Variants in CPLANE1 observed in about 807,000 individuals in gnomAD.
CPLANE1 encodes ciliogenesis and planar polarity effector 1.
In CPLANE1, 263 loss-of-function variants were observed where a neutral mutation model predicts 362.5. The observed-to-expected ratio is 0.73, with a 90% CI of 0.66 to 0.80. The LOEUF is 0.80. Ranked by LOEUF, CPLANE1 falls within the 30% of genes least tolerant of loss-of-function variation. The pLI is 0.00. For synonymous variants in CPLANE1, 1,212 were observed against 1,302.6 expected, an observed-to-expected ratio of 0.93 and a Z score of 1.50; for missense variants, 3,461 against 3,793.4, an observed-to-expected ratio of 0.91 and a Z score of 2.30.
rs149614155 is a variant in CPLANE1 at position 37,163,929 on chromosome 5, ATTC to A, written c.7588+341_7588+343del. ...CCTATGTACTGAAAAGTCAATAAAAATTCTGAAGCAAACAGGTTAAGGGAGATT... is the reference window on the plus strand; with the variant it reads ...CCTATGTACTGAAAAGTCAATAAAAATGAAGCAAACAGGTTAAGGGAGATT... On this transcript the variant is annotated intron_variant, in intron 37 of 52. Coordinates refer to ENST00000651892, the MANE Select transcript of CPLANE1 (RefSeq NM_001384732.1). Among the ~76,000 whole-genome samples the A allele has an allele frequency of 8.7e-4, 132 of 152,336 alleles. 1 individual carries two copies. Among genetic ancestry groups the A allele is most frequent in the Non-Finnish European group, 1.5e-3 (105 of 68,032 alleles).
intron 51 of CPLANE1, among the ~76,000 whole-genome samples, chr5:37,113,048 A>G (rs1423073063): frequency 6.6e-6 from 1 of 152,204 alleles, no homozygotes; most frequent in Non-Finnish European, 1.5e-5. Context: ...AAAGAATAAA[A>G]AGCTATTGAG....
At chr5:37,210,473 A>C (rs1792277819) in intron 16 of CPLANE1, 2 of 1,124,994 alleles carry the variant, frequency 1.8e-6, no homozygotes, top group Non-Finnish European at 2.7e-6. Context: ...GACTGATTGA[A>C]GATGAAAGGA....
intron 21 of CPLANE1, among the ~76,000 whole-genome samples, 190 bp downstream of exon 21, chr5:37,195,668 A>G (rs1787180726): frequency 1.4e-5 from 2 of 145,548 alleles, no homozygotes; most frequent in Admixed American, 1.4e-4. Flanking sequence ...ATTTGTTTAT[A>G]TAAGAAATTT....
chr5:37,104,034 C>A (rs117081887), downstream of CPLANE1, among the ~76,000 whole-genome samples: 1 of 152,044 alleles, frequency 6.6e-6, no homozygotes, highest in Non-Finnish European at 1.5e-5. Context: ...TACATAATCC[C>A]GTATTTCTTG....
At chr5:37,123,297 T>A (rs1238255399) in intron 47 of CPLANE1, among the ~76,000 whole-genome samples, 2 of 152,176 alleles carry the variant, frequency 1.3e-5, no homozygotes, top group African/African-American at 4.8e-5. Context: ...CACACACAAT[T>A]ATGTATATAA....
In CPLANE1 at chr5:37,209,554, T is replaced by G; in HGVS notation, c.2921-3129A>C. ...GAACTGCAACCTCAGTCCATTTCAG[T>G]GCAAGGGAGCTCCCTCTTAATAAGT... On this transcript the variant is annotated intron_variant, in intron 16 of 52. Transcript: ENST00000651892. This position sits in a 1 kb window ranked among gnomAD's most constrained non-coding sequence, Gnocchi z 4.6. The G allele has an allele frequency of 1.5e-6, 2 of 1,312,918 alleles. No homozygotes were observed. The highest frequency in any genetic ancestry group is 1.7e-5 in the Admixed American group (1 of 59,410). The allele number at this position is 1,312,918 out of a possible 1,614,324, so 81.3% of individuals were successfully genotyped here.
At chr5:37,118,349 G>C (rs1207842186) in intron 50 of CPLANE1, among the ~76,000 whole-genome samples, 2 of 149,450 alleles carry the variant, frequency 1.3e-5, no homozygotes, top group Non-Finnish European at 3.0e-5. Flanking sequence ...AAAGGTTGCA[G>C]TGAGCCAAGA....
intron 46 of CPLANE1, among the ~76,000 whole-genome samples, chr5:37,138,224 T>C (rs1215978260): frequency 6.6e-6 from 1 of 152,222 alleles, no homozygotes; most frequent in Non-Finnish European, 1.5e-5. Context: ...GGTGCTCCAA[T>C]GTTGTATGCT....
At chr5:37,186,788 G>A (rs1024430827) in intron 23 of CPLANE1, among the ~76,000 whole-genome samples, 5 of 152,060 alleles carry the variant, frequency 3.3e-5, no homozygotes, top group Admixed American at 2.6e-4. Context: ...AGCCCGGCGC[G>A]GTGGCTCACG....
chr5:37,085,119 A>G, the CPLANE1 span: 1 of 748,998 alleles, frequency 1.3e-6, no homozygotes, highest in South Asian at 1.4e-5. Flanking sequence ...GATGCTGGAT[A>G]AATTGACCAG....
Position 37,227,380 on chromosome 5 carries a change from C to G in CPLANE1, c.1384G>C (p.Gly462Arg), listed in dbSNP as rs1796678442. Residue 462 changes from glycine to arginine, a missense_variant, in exon 11 of 53, where the codon GGA becomes CGA. Physicochemically the swap from Gly to Arg is moderately radical, Grantham distance 125 (BLOSUM62 -2). Around this residue, in one of 2 missense-constraint regions of CPLANE1, gnomAD observed 3,380 missense variants for 3,666.1 expected, o/e 0.92. Transcript: ENST00000651892. ...GAATTCAGTGATCGCAAGTTCAGTC[C>G]TTTGCCTTTTGGCTAAAGAAGAAAA... ...SVILSKPKGK[G>R]LNLRSLNSLR... is the part of the protein sequence containing the mutation. 2 of 1,532,498 alleles carry G rather than the reference C, an allele frequency of 1.3e-6. No homozygotes were observed. Among genetic ancestry groups the G allele is most frequent in the Middle Eastern group, 1.7e-4 (1 of 5,920 alleles). The allele number at this position is 1,532,498 out of a possible 1,614,324, so 94.9% of individuals were successfully genotyped here.
chr5:37,210,863 C>G (rs183280051), intron 16 of CPLANE1: 5 of 814,270 alleles, frequency 6.1e-6, no homozygotes, highest in Non-Finnish European at 1.1e-5. Context: ...ATGAGGAGTT[C>G]GAAAGCCGCA....
rs751221163 is a variant in CPLANE1 at position 37,184,770 on chromosome 5, A to G, written c.4481+18T>C. The G allele has an allele frequency of 1.2e-5, 19 of 1,588,568 alleles. No homozygotes were observed. The highest frequency in any genetic ancestry group is 1.7e-4 in the Middle Eastern group (1 of 5,868). On this transcript the variant is annotated intron_variant, in intron 25 of 52. Coordinates refer to ENST00000651892, the MANE Select transcript of CPLANE1 (RefSeq NM_001384732.1). ...TCAAAGGAAGTGAATGCCAGTGATTAAAAGATCTCAATTGTACCTTTGATA... is the reference window on the plus strand; with the variant it reads ...TCAAAGGAAGTGAATGCCAGTGATTGAAAGATCTCAATTGTACCTTTGATA...
intron 18 of CPLANE1, among the ~76,000 whole-genome samples, chr5:37,204,878 C>T (rs764096911): frequency 1.3e-5 from 2 of 152,156 alleles, no homozygotes; most frequent in Non-Finnish European, 2.9e-5. Context: ...ATTTTTCAGC[C>T]GGGCGCAGTG....
chr5:37,227,367 C>G lies in CPLANE1; in HGVS notation c.1397G>C (p.Arg466Pro). 1 of 1,546,668 alleles carries G rather than the reference C, an allele frequency of 6.5e-7. No individual in the cohort carries two copies. Among genetic ancestry groups the G allele is most frequent in the Non-Finnish European group, 8.7e-7 (1 of 1,144,998 alleles). The change falls in exon 11 of 53, where the codon CGA becomes CCA. Residue 466 changes from arginine to proline, a missense_variant. Physicochemically the swap from Arg to Pro is moderately radical, Grantham distance 103 (BLOSUM62 -2). This residue lies in a region of CPLANE1 where 3,380 missense variants were observed against 3,666.1 expected (regional missense o/e 0.92). Transcript: ENST00000651892. ...GCTAGACCTTAGGGAATTCAGTGAT[C>G]GCAAGTTCAGTCCTTTGCCTTTTGG... ...SKPKGKGLNLRSLNSLRSSLL... is the reference protein window; with the variant it reads ...SKPKGKGLNLPSLNSLRSSLL...
Position 37,164,283 on chromosome 5 carries a change from G to A in CPLANE1, c.7578C>T (p.Asp2526=), listed in dbSNP as rs561079089. The change falls in exon 37 of 53, where the codon GAC becomes GAT. Residue 2526 remains aspartate (D), a synonymous_variant. Coordinates refer to ENST00000651892, the MANE Select transcript of CPLANE1 (RefSeq NM_001384732.1). The part of the protein sequence containing the change: ...HCGSHPLDDF[D]VPFEMLQDDN... ...CATACACATACATACCAAAAGGAAC[G>A]TCGAAGTCATCCAAAGGATGGGAAC... 44 of 1,611,892 alleles carry A rather than the reference G, an allele frequency of 2.7e-5. No individual in the cohort carries two copies. The highest frequency in any genetic ancestry group is 1.7e-4 in the Middle Eastern group (1 of 6,054).
intron 15 of CPLANE1, among the ~76,000 whole-genome samples, chr5:37,217,219 G>A (rs1343740273): frequency 6.6e-6 from 1 of 152,134 alleles, no homozygotes; most frequent in African/African-American, 2.4e-5. Flanking sequence ...GCAAAACTCA[G>A]GAATCAGCCT....
intron 8 of CPLANE1, among the ~76,000 whole-genome samples, 154 bp from the exon 9 acceptor site, chr5:37,231,203 T>A (rs988303527): frequency 2.0e-5 from 3 of 152,210 alleles, no homozygotes; most frequent in Admixed American, 1.3e-4. Flanking sequence ...ATTTCATGAA[T>A]TTTACTTCCT....
Position 37,170,121 on chromosome 5 carries a change from C to T in CPLANE1, c.6382G>A (p.Ala2128Thr), listed in dbSNP as rs772723784. ...FIKPQSMGEN[A>T]REPRKNSPHC... is the part of the protein sequence containing the mutation. Reference sequence around the variant, plus strand: ...GGGCTGTTCTTGCGAGGCTCTCTGGCGTTCTCTCCCATTGACTGTGGTTTA... The same window carrying T: ...GGGCTGTTCTTGCGAGGCTCTCTGGTGTTCTCTCCCATTGACTGTGGTTTA... The change falls in exon 33 of 53, where the codon GCC (alanine) becomes ACC (threonine). Residue 2128 changes from alanine (A) to threonine (T), a missense_variant. Physicochemically the swap from Ala to Thr is moderately conservative, Grantham distance 58. Transcript: ENST00000651892. 5.6e-6 allele frequency: 9 copies of T among 1,613,994 alleles called. No homozygotes were observed. Among genetic ancestry groups the T allele is most frequent in the African/African-American group, 2.7e-5 (2 of 74,894 alleles).
Sources: allele counts gnomAD v4.1 joint callset (sites outside exome capture counted in the v4.1 genomes callset), GRCh38; gene constraint gnomAD v4.1.1; regional missense constraint gnomAD v4.1.1; non-coding constraint Gnocchi (gnomAD v3.1); transcripts MANE v1.5; gene names NCBI Gene and HGNC (gene_info 2026-07-23, HGNC 2026-07-21).